The following LMBR1 variants were observed in gnomAD, a reference collection of about 807,000 sequenced individuals.
LMBR1 encodes limb region 1 protein homolog.
In LMBR1, 52 loss-of-function variants were observed where a neutral mutation model predicts 73.9. That is an observed-to-expected ratio of 0.70 (90% CI 0.56 to 0.89). The LOEUF is 0.89. Among genes scored for constraint, LMBR1 ranks in the 40% least tolerant of loss-of-function variants. LMBR1 has a pLI of 0.00. For missense variants in LMBR1, 539 were observed against 579.8 expected (o/e 0.93, Z 0.72); for synonymous variants, 215 against 209.4 (o/e 1.03, Z -0.23).
chr7:156,694,254 T>TCC, intron 15 of LMBR1, among the ~76,000 whole-genome samples: 1 of 152,118 alleles, frequency 6.6e-6, no homozygotes, highest in Non-Finnish European at 1.5e-5. Flanking sequence ...CACCTCAGCC[T>TCC]TCCAGGTAGT....
intron 1 of LMBR1, among the ~76,000 whole-genome samples, chr7:156,879,525 G>A (rs1011347623): frequency 4.6e-5 from 7 of 151,974 alleles, no homozygotes; most frequent in East Asian, 1.9e-4. Context: ...TTAGCCAGGC[G>A]TGGTGGCAGG....
chr7:156,776,192 C>CA (rs1826112180), intron 5 of LMBR1, among the ~76,000 whole-genome samples: 1 of 151,486 alleles, frequency 6.6e-6, no homozygotes. Context: ...TATAATGACT[C>CA]AAACTATTAC....
chr7:156,710,372 T>C (rs1470997224), intron 15 of LMBR1, among the ~76,000 whole-genome samples: 1 of 151,908 alleles, frequency 6.6e-6, no homozygotes, highest in Non-Finnish European at 1.5e-5. Context: ...CTTAGAGAAA[T>C]ACCAAATGCA....
intron 1 of LMBR1, among the ~76,000 whole-genome samples, chr7:156,880,166 C>T (rs991367611): frequency 6.6e-6 from 1 of 152,168 alleles, no homozygotes; most frequent in South Asian, 2.1e-4. Context: ...ACTACCCAGC[C>T]ATAAAAAGGA....
At chr7:156,695,737 A>C (rs550659510) in intron 15 of LMBR1, among the ~76,000 whole-genome samples, 3 of 152,336 alleles carry the variant, frequency 2.0e-5, no homozygotes, top group African/African-American at 7.2e-5. Flanking sequence ...GATCCAAACC[A>C]TATCACATGC....
At chr7:156,731,346 A>T (rs1182251131) in intron 10 of LMBR1, among the ~76,000 whole-genome samples, 1 of 152,230 alleles carries the variant, frequency 6.6e-6, no homozygotes, top group East Asian at 1.9e-4. Flanking sequence ...AGCAGAAGCA[A>T]TATCTGATAA....
intron 1 of LMBR1, among the ~76,000 whole-genome samples, chr7:156,877,027 G>C (rs562227789): frequency 3.3e-5 from 5 of 151,972 alleles, no homozygotes; most frequent in Admixed American, 1.3e-4. Flanking sequence ...AAAGAAAAAT[G>C]AAACAAAAAG....
chr7:156,842,374 G>A (rs548578613), intron 1 of LMBR1, among the ~76,000 whole-genome samples: 2 of 140,756 alleles, frequency 1.4e-5, no homozygotes, highest in East Asian at 4.1e-4. Context: ...GAGAAACAAA[G>A]ACAGTTATTT....
At chr7:156,723,593 A>C (rs1454908156) in intron 15 of LMBR1, among the ~76,000 whole-genome samples, 1 of 152,152 alleles carries the variant, frequency 6.6e-6, no homozygotes, top group Non-Finnish European at 1.5e-5. Flanking sequence ...AACTGAAACA[A>C]TAAGAAAATG....
intron 1 of LMBR1, among the ~76,000 whole-genome samples, chr7:156,884,903 T>TAG (rs1319517586): frequency 6.6e-6 from 1 of 152,182 alleles, no homozygotes; most frequent in Non-Finnish European, 1.5e-5. Flanking sequence ...GGGTAAGCCA[T>TAG]AGAGTTGAGG....
chr7:156,719,640 C>T (rs1488638698), intron 15 of LMBR1, among the ~76,000 whole-genome samples: 6 of 151,902 alleles, frequency 3.9e-5, no homozygotes, highest in African/African-American at 1.2e-4. Flanking sequence ...GAGCCCGCAT[C>T]GCCAAGTCAA....
chr7:156,867,304 CAT>C (rs1798605395), intron 1 of LMBR1, among the ~76,000 whole-genome samples: 1 of 152,208 alleles, frequency 6.6e-6, no homozygotes, highest in Non-Finnish European at 1.5e-5. Context: ...AATTCTCAAA[CAT>C]TGGTGGTAGA....
At chr7:156,832,826 T>G (rs1053834805) in intron 3 of LMBR1, among the ~76,000 whole-genome samples, 4 of 152,120 alleles carry the variant, frequency 2.6e-5, no homozygotes, top group African/African-American at 9.7e-5. Flanking sequence ...TTCAAAATTA[T>G]CAAGGTCAGG....
intron 9 of LMBR1, among the ~76,000 whole-genome samples, chr7:156,740,795 A>G (rs1818740470): frequency 6.6e-6 from 1 of 152,236 alleles, no homozygotes; most frequent in Non-Finnish European, 1.5e-5. Flanking sequence ...GCCATAAGAA[A>G]TCACCTGAAG....
intron 15 of LMBR1, among the ~76,000 whole-genome samples, chr7:156,714,352 A>C (rs1412001480): frequency 3.3e-5 from 5 of 152,250 alleles, no homozygotes; most frequent in African/African-American, 4.8e-5. Flanking sequence ...TGAGTCTTGA[A>C]TGACATGTTA....
chr7:156,802,644 G>A (rs551941069), intron 4 of LMBR1, among the ~76,000 whole-genome samples: 7 of 152,070 alleles, frequency 4.6e-5, no homozygotes, highest in Non-Finnish European at 1.0e-4. Flanking sequence ...TACACATGGA[G>A]TATATAATTT....
At position 156,893,166 on chromosome 7, in the gene LMBR1, A is replaced by T; in HGVS notation, c.-173T>A. 2.0e-6 allele frequency: 1 copy of T among 489,184 alleles called. No homozygotes were observed. The highest frequency in any genetic ancestry group is 3.2e-6 in the Non-Finnish European group (1 of 312,380). The allele number at this position is 489,184 out of a possible 1,614,324, so 30.3% of individuals were successfully genotyped here. A position where few individuals can be genotyped will look rare whatever the true frequency, so the allele number is the denominator to read the frequency against. On this transcript the variant is annotated 5_prime_UTR_variant, in exon 1 of 17. Coordinates refer to ENST00000353442, the MANE Select transcript of LMBR1 (RefSeq NM_022458.4). ...CACCGGCCGTCGCCTCAGCAGCCTC[A>T]GACGAGCAGCTCTGACTAAGGGAGG...
chr7:156,728,635 A>C lies in LMBR1; in HGVS notation c.915+9T>G. On this transcript the variant is annotated intron_variant, in intron 11 of 16. Transcript: ENST00000353442. ...TTGCTTTTATTTAACTAGGCAAATA[A>C]ATTCTTACTGTCTCAATAAGAAGGA... 1.3e-6 allele frequency: 2 copies of C among 1,575,662 alleles called. No homozygotes were observed. The highest frequency in any genetic ancestry group is 2.3e-5 in the East Asian group (1 of 43,852).
intron 2 of LMBR1, among the ~76,000 whole-genome samples, chr7:156,834,813 C>A (rs1210887612): frequency 6.6e-6 from 1 of 151,454 alleles, no homozygotes; most frequent in Non-Finnish European, 1.5e-5. Context: ...TGTCCTCCCA[C>A]ATAAACTTAC....
Sources: allele counts gnomAD v4.1 joint callset (sites outside exome capture counted in the v4.1 genomes callset), GRCh38; gene constraint gnomAD v4.1.1; transcripts MANE v1.5; gene names NCBI Gene and HGNC (gene_info 2026-07-23, HGNC 2026-07-21).